PLXNA1: variants seen among roughly 807,000 people sequenced by gnomAD.
PLXNA1 encodes plexin-A1.
PLXNA1 carries 77 observed loss-of-function variants against 191.7 expected under a neutral mutation model. That is an observed-to-expected ratio of 0.40 (90% CI 0.33 to 0.49). The LOEUF (loss-of-function observed/expected upper bound fraction) is 0.49, where lower values mean the gene tolerates loss of function less well. Among genes scored for constraint, PLXNA1 ranks in the 20% least tolerant of loss-of-function variants. PLXNA1 has a pLI of 0.63. For synonymous variants in PLXNA1, 1,137 were observed against 1,156.4 expected, an observed-to-expected ratio of 0.98 and a Z score of 0.34; for missense variants, 2,110 against 2,660.2, an observed-to-expected ratio of 0.79 and a Z score of 4.55.
At position 127,017,585 on chromosome 3, in the gene PLXNA1, A is replaced by G; in HGVS notation, c.3437A>G (p.Tyr1146Cys). 1 of 1,613,348 alleles carries G rather than the reference A, an allele frequency of 6.2e-7. No homozygotes were observed. Among genetic ancestry groups the G allele is most frequent in the Non-Finnish European group, 8.5e-7 (1 of 1,179,910 alleles). The part of the protein sequence containing the change: ...LLVLNSTSFL[Y>C]YPDPVLEPLS... ...GTGCTCAACTCCACCTCCTTCCTCT[A>G]CTACCCTGACCCCGTACTGGAGCCA... The change falls in exon 18 of 32, where the codon TAC (tyrosine) becomes TGC (cysteine). Residue 1146 changes from tyrosine (Y) to cysteine (C), a missense_variant. This residue lies in a region of PLXNA1 where 644 missense variants were observed against 714.3 expected (regional missense o/e 0.90). Transcript: ENST00000393409.
Position 126,995,603 on chromosome 3 carries a change from C to T in PLXNA1, c.1377+4037C>T, listed in dbSNP as rs1324700720. Among the ~76,000 whole-genome samples, 9 of 152,282 alleles carry T rather than the reference C, an allele frequency of 5.9e-5. No homozygotes were observed. In the South Asian group the frequency reaches 1.9e-3, roughly 31 times the overall value. On this transcript the variant is annotated intron_variant, in intron 3 of 31. Transcript: ENST00000393409. ...ATTCAGGGAATGTAGGCCTGACTGC[C>T]TGAGCACCCGGTTTTTCAAGATTCT...
At chr3:127,003,929 A>G (rs1326591853) in intron 4 of PLXNA1, among the ~76,000 whole-genome samples, 1 of 152,192 alleles carries the variant, frequency 6.6e-6, no homozygotes, top group Non-Finnish European at 1.5e-5. Flanking sequence ...TGCCTGGCCC[A>G]GCTCTGTAAG....
chr3:127,028,672 C>T, intron 25 of PLXNA1: 1 of 522,330 alleles, frequency 1.9e-6, no homozygotes, highest in South Asian at 2.5e-5. Flanking sequence ...TGGGGTGGGG[C>T]CCGGAGTCCT....
intron 8 of PLXNA1, among the ~76,000 whole-genome samples, chr3:127,007,023 C>T (rs887192575): frequency 6.6e-6 from 1 of 152,222 alleles, no homozygotes; most frequent in Non-Finnish European, 1.5e-5. Flanking sequence ...TGTGGAGCAA[C>T]TGCCGTGAGC....
At chr3:127,029,315 T>A in intron 26 of PLXNA1, 125 bp from the exon 27 acceptor site, 1 of 933,114 alleles carries the variant, frequency 1.1e-6, no homozygotes, top group East Asian at 2.4e-5. Context: ...AGTTCCAGAC[T>A]GAGTGAGGTG....
rs1213903866 is a variant in PLXNA1, at chr3:126,989,646, A to T, written c.1053A>T (p.Pro351=). 6.2e-7 allele frequency: 1 copy of T among 1,613,098 alleles called. No individual in the cohort carries two copies. ...FAQGQKNRVK[P]PKESALCLFT... is the part of the protein sequence containing the mutation. The stretch of plus-strand genomic sequence containing the variant: ...AGGGCCAGAAGAACCGCGTGAAGCC[A>T]CCAAAGGAGTCAGCACTGTGCCTGT... Residue 351 remains proline (P), a synonymous_variant, in exon 2 of 32, where the codon CCA becomes CCT. Transcript: ENST00000393409.
chr3:126,996,433 G>GAGA (rs976035064), intron 3 of PLXNA1, among the ~76,000 whole-genome samples: 1 of 152,206 alleles, frequency 6.6e-6, no homozygotes, highest in African/African-American at 2.4e-5. Context: ...TCTGGAAGTT[G>GAGA]AGTGGCATCT....
At chr3:126,995,185 G>A (rs544832012) in intron 3 of PLXNA1, among the ~76,000 whole-genome samples, 1 of 152,288 alleles carries the variant, frequency 6.6e-6, no homozygotes, top group East Asian at 1.9e-4. Flanking sequence ...CTGACTGGGG[G>A]TGCCCCTGTC....
intron 8 of PLXNA1, among the ~76,000 whole-genome samples, chr3:127,007,285 TG>T (rs2079073990): frequency 6.6e-6 from 1 of 152,148 alleles, no homozygotes; most frequent in East Asian, 1.9e-4. Flanking sequence ...TGGCAGACCC[TG>T]GGGTGTGTCA....
intron 3 of PLXNA1, among the ~76,000 whole-genome samples, chr3:127,003,038 G>A (rs1010189456): frequency 6.6e-6 from 1 of 152,208 alleles, no homozygotes; most frequent in African/African-American, 2.4e-5. Flanking sequence ...GGTGGGTGCT[G>A]GGCTGTGGTT....
intron 9 of PLXNA1, among the ~76,000 whole-genome samples, chr3:127,008,475 A>G (rs9881353): frequency 0.99 from 150,897 of 152,284 alleles, 74,776 homozygotes; most frequent in East Asian, 1. Context: ...TATGAACAGC[A>G]GGCTGTTCCT....
intron 3 of PLXNA1, among the ~76,000 whole-genome samples, chr3:126,996,932 C>G (rs1004441113): frequency 6.6e-6 from 1 of 152,200 alleles, no homozygotes; most frequent in Non-Finnish European, 1.5e-5. Flanking sequence ...CACATGGAAG[C>G]GTGCATTGGG....
Position 126,989,340 on chromosome 3 carries a change from C to T in PLXNA1, c.747C>T (p.Ser249=), listed in dbSNP as rs761707807. ...CCTTTGACATCTACTATGTGTACAG[C>T]TTCCGCAGCGAGCAGTTTGTCTACT... is the stretch of plus-strand genomic sequence containing the variant. ...FPAFDIYYVY[S]FRSEQFVYYL... The change falls in exon 2 of 32, where the codon AGC becomes AGT. Residue 249 remains serine, a synonymous_variant. Coordinates refer to ENST00000393409, the MANE Select transcript of PLXNA1 (RefSeq NM_032242.4). 3 of 1,613,690 alleles carry T rather than the reference C, an allele frequency of 1.9e-6. No homozygotes were observed. The South Asian group carries it at 3.3e-5, about 18-fold the overall frequency.
intron 16 of PLXNA1, 83 bp downstream of exon 16, chr3:127,016,767 G>C: frequency 6.6e-7 from 1 of 1,510,142 alleles, no homozygotes; most frequent in Non-Finnish European, 9.1e-7. Context: ...GGCACTTGGC[G>C]GTGGCCCTCC....
chr3:127,027,737 T>C, intron 23 of PLXNA1: 1 of 728,230 alleles, frequency 1.4e-6, no homozygotes. Context: ...ATTTGTGGGA[T>C]GGTGGGTATG....
At chr3:126,995,202 C>T (rs563117463) in intron 3 of PLXNA1, among the ~76,000 whole-genome samples, 1 of 152,318 alleles carries the variant, frequency 6.6e-6, no homozygotes, top group East Asian at 1.9e-4. Context: ...TGTCCCCCCT[C>T]CTTTCACCAG....
chr3:126,991,520 G>T lies in PLXNA1; in HGVS notation c.1331G>T (p.Gly444Val), dbSNP rs1230984994. 8.7e-6 allele frequency: 14 copies of T among 1,610,364 alleles called. No homozygotes were observed. The highest frequency in any genetic ancestry group is 1.3e-5 in the African/African-American group (1 of 74,908). ...GCCGTGGCTGCCTATGACTATCGGGGCCGCACTGTGGTATTCGCCGGCACG... is the reference window on the plus strand; with the variant it reads ...GCCGTGGCTGCCTATGACTATCGGGTCCGCACTGTGGTATTCGCCGGCACG... ...LTAVAAYDYR[G>V]RTVVFAGTRS... The change falls in exon 3 of 32, where the codon GGC (glycine) becomes GTC (valine). Residue 444 changes from glycine to valine, a missense_variant. This residue lies in a region of PLXNA1 where 903 missense variants were observed against 1,015.7 expected (regional missense o/e 0.89). Coordinates refer to ENST00000393409, the MANE Select transcript of PLXNA1 (RefSeq NM_032242.4).
In PLXNA1 at chr3:127,016,027, C is replaced by A. The variant is rs372211459; in HGVS notation, c.3015-490C>A. Among the ~76,000 whole-genome samples the A allele has an allele frequency of 1.2e-3, 179 of 152,224 alleles. 1 individual carries two copies. The highest frequency in any genetic ancestry group is 4.1e-3 in the African/African-American group (170 of 41,550). ...GTGCTGGGCTCCCAGCACTCGGAGC[C>A]CCGGCTGAGTGAGGCTGGCCCTGAG... is the stretch of plus-strand genomic sequence containing the variant. On this transcript the variant is annotated intron_variant, in intron 15 of 31. Coordinates refer to ENST00000393409, the MANE Select transcript of PLXNA1 (RefSeq NM_032242.4).
At chr3:127,013,279 C>T (rs2079104414) in intron 10 of PLXNA1, among the ~76,000 whole-genome samples, 1 of 152,240 alleles carries the variant, frequency 6.6e-6, no homozygotes, top group Admixed American at 6.5e-5. Flanking sequence ...TCACCAGGCC[C>T]ACATTAATCT....
Sources: allele counts gnomAD v4.1 joint callset (sites outside exome capture counted in the v4.1 genomes callset), GRCh38; gene constraint gnomAD v4.1.1; regional missense constraint gnomAD v4.1.1; transcripts MANE v1.5; gene names NCBI Gene and HGNC (gene_info 2026-07-23, HGNC 2026-07-21).